AUTS2: variants seen among roughly 807,000 people sequenced by gnomAD.
The protein encoded by AUTS2 is activator of transcription and developmental regulator AUTS2.
In AUTS2, 17 loss-of-function variants were observed where a neutral mutation model predicts 112.4. The ratio of observed to expected loss-of-function variants is 0.15; its 90% CI spans 0.10 to 0.23. AUTS2 has a LOEUF of 0.23. Ranked by LOEUF, AUTS2 falls within the 10% of genes least tolerant of loss-of-function variation. AUTS2 has a pLI of 1.00. For synonymous variants in AUTS2, 751 were observed against 702.7 expected (o/e 1.07, Z -1.09); for missense variants, 1,510 against 1,701.6 (o/e 0.89, Z 1.98).
intron 4 of AUTS2, among the ~76,000 whole-genome samples, chr7:70,407,867 A>G (rs897716220): frequency 6.6e-6 from 1 of 152,084 alleles, no homozygotes; most frequent in African/African-American, 2.4e-5. Flanking sequence ...ATCCTGGCTA[A>G]CACGGTGAAA....
intron 4 of AUTS2, among the ~76,000 whole-genome samples, chr7:70,252,502 C>T (rs1439938774): frequency 6.6e-5 from 10 of 151,918 alleles, no homozygotes; most frequent in African/African-American, 2.4e-4. Flanking sequence ...GGATATTAAC[C>T]CCATATTAAA....
intron 2 of AUTS2, among the ~76,000 whole-genome samples, chr7:70,004,754 T>G (rs1799466641): frequency 6.6e-6 from 1 of 151,960 alleles, no homozygotes; most frequent in South Asian, 2.1e-4. Context: ...AGTTTCAGTT[T>G]CCTCATCTAT....
At chr7:69,806,798 G>A (rs1790328180) in intron 1 of AUTS2, among the ~76,000 whole-genome samples, 1 of 152,140 alleles carries the variant, frequency 6.6e-6, no homozygotes, top group Non-Finnish European at 1.5e-5. Flanking sequence ...ACACTCTACT[G>A]TTTCTCTTCC....
chr7:69,976,342 T>G (rs1327939018), intron 2 of AUTS2, among the ~76,000 whole-genome samples: 1 of 152,252 alleles, frequency 6.6e-6, no homozygotes, highest in African/African-American at 2.4e-5. Flanking sequence ...CCTTCCTTTC[T>G]AAGGCTATAT....
intron 2 of AUTS2, among the ~76,000 whole-genome samples, chr7:69,972,668 TGCA>T (rs1554416464): frequency 9.2e-6 from 1 of 108,974 alleles, no homozygotes; most frequent in African/African-American, 3.8e-5. Flanking sequence ...TGTGTGTGCG[TGCA>T]TGTGTGTGTG....
Position 69,821,363 on chromosome 7 carries a change from G to A in AUTS2, c.310-77923G>A, listed in dbSNP as rs575793455. 1.4e-3 allele frequency among the ~76,000 whole-genome samples: 219 copies of A among 152,222 alleles called. 1 individual carries two copies. Among genetic ancestry groups the A allele is most frequent in the African/African-American group, 4.4e-3 (183 of 41,510 alleles). On this transcript the variant is annotated intron_variant, in intron 1 of 18. Transcript: ENST00000342771. ...GTAAATGCACCAATCAGCACTCTGT[G>A]TCTAGCTAAAGGATTGTAAATGCAC...
intron 1 of AUTS2, among the ~76,000 whole-genome samples, chr7:69,612,852 T>C (rs1042732537): frequency 1.3e-5 from 2 of 152,210 alleles, no homozygotes; most frequent in Admixed American, 1.3e-4. Flanking sequence ...ATTTGAGGCT[T>C]TCAGAACTGT....
chr7:70,186,160 A>G (rs1809593097), intron 4 of AUTS2, among the ~76,000 whole-genome samples: 1 of 152,102 alleles, frequency 6.6e-6, no homozygotes. Context: ...ATGGGATTAC[A>G]TTTTAGGGGA....
At chr7:70,282,337 C>A (rs1346410220) in intron 4 of AUTS2, among the ~76,000 whole-genome samples, 3 of 152,154 alleles carry the variant, frequency 2.0e-5, no homozygotes, top group Non-Finnish European at 4.4e-5. Flanking sequence ...TCCACTCAGG[C>A]TGCTATAACA....
chr7:69,968,737 C>G lies in AUTS2; in HGVS notation c.522+69239C>G, dbSNP rs369601505. Among the ~76,000 whole-genome samples the G allele has an allele frequency of 6.3e-4, 96 of 152,058 alleles. 5 individuals are homozygous for G. The South Asian group carries it at 0.02, about 31-fold the overall frequency. On this transcript the variant is annotated intron_variant, in intron 2 of 18. Coordinates refer to ENST00000342771, the MANE Select transcript of AUTS2 (RefSeq NM_015570.4). Reference sequence around the variant, plus strand: ...TGATGTGGCAAGATGGAAAATTGTGCGACTGTCTTTATACTCCTTATGATT... The same window carrying G: ...TGATGTGGCAAGATGGAAAATTGTGGGACTGTCTTTATACTCCTTATGATT...
intron 4 of AUTS2, among the ~76,000 whole-genome samples, chr7:70,379,262 GA>G (rs1793258361): frequency 6.6e-6 from 1 of 152,084 alleles, no homozygotes. Flanking sequence ...CACTTTGGGG[GA>G]GCCGAGGCAG....
intron 5 of AUTS2, among the ~76,000 whole-genome samples, chr7:70,471,027 A>G (rs1295075376): frequency 5.9e-5 from 9 of 152,184 alleles, no homozygotes; most frequent in Non-Finnish European, 7.3e-5. Flanking sequence ...AAACAGGCCA[A>G]GCGAGCCGGG....
At chr7:70,035,765 C>A (rs557779800) in intron 2 of AUTS2, among the ~76,000 whole-genome samples, 1 of 152,090 alleles carries the variant, frequency 6.6e-6, no homozygotes, top group African/African-American at 2.4e-5. Flanking sequence ...TTTCTTGTTC[C>A]TCCTCATTTC....
At chr7:69,611,270 G>A (rs1268264093) in intron 1 of AUTS2, among the ~76,000 whole-genome samples, 1 of 152,168 alleles carries the variant, frequency 6.6e-6, no homozygotes, top group African/African-American at 2.4e-5. Context: ...ATTTCCAGAT[G>A]TGAGCCTAGG....
chr7:69,669,871 G>A (rs1584040755), intron 1 of AUTS2, among the ~76,000 whole-genome samples: 6 of 152,172 alleles, frequency 3.9e-5, no homozygotes, highest in Admixed American at 3.9e-4. Context: ...AACACCATTT[G>A]TATGCCAGGT....
intron 2 of AUTS2, among the ~76,000 whole-genome samples, chr7:69,907,262 T>G (rs1795184162): frequency 6.6e-6 from 1 of 152,202 alleles, no homozygotes; most frequent in Non-Finnish European, 1.5e-5. Flanking sequence ...GCTGACATCT[T>G]GTAGTGTTCT....
chr7:69,888,303 A>G (rs1340919895), intron 1 of AUTS2, among the ~76,000 whole-genome samples: 4 of 151,668 alleles, frequency 2.6e-5, no homozygotes, highest in Non-Finnish European at 5.9e-5. Context: ...GCTTCCACTC[A>G]TGATGGACGG....
intron 6 of AUTS2, among the ~76,000 whole-genome samples, chr7:70,744,821 G>A (rs1788346628): frequency 6.6e-6 from 1 of 152,114 alleles, no homozygotes; most frequent in African/African-American, 2.4e-5. Context: ...CCCACGGGAG[G>A]AGCTTGTACC....
chr7:70,125,875 TAC>T (rs1805945443), intron 3 of AUTS2, among the ~76,000 whole-genome samples: 1 of 152,232 alleles, frequency 6.6e-6, no homozygotes, highest in South Asian at 2.1e-4. Flanking sequence ...GGTGGGAGAA[TAC>T]ATTCAGTCCC....
Sources: gnomAD v4.1 joint callset for allele counts (sites outside exome capture counted in the v4.1 genomes callset) on GRCh38, gnomAD v4.1.1 for gene constraint, MANE v1.5 for transcripts, NCBI Gene and HGNC (gene_info 2026-07-23, HGNC 2026-07-21) for gene names.